The following RRP1 variants were observed in gnomAD, a reference collection of about 807,000 sequenced individuals.
The protein encoded by RRP1 is ribosomal RNA processing 1, also known as ribosomal RNA processing protein 1 homolog A.
In RRP1, 37 loss-of-function variants were observed where a neutral mutation model predicts 54.6. That is an observed-to-expected ratio of 0.68 (90% CI 0.52 to 0.89). RRP1 has a LOEUF of 0.89. Among genes scored for constraint, RRP1 ranks in the 40% least tolerant of loss-of-function variants. The pLI is 0.00. For missense variants in RRP1, 639 were observed against 612.5 expected (o/e 1.04, Z -0.46); for synonymous variants, 262 against 244.3 (o/e 1.07, Z -0.67).
chr21:43,793,436 G>A, intron 4 of RRP1, 32 bp downstream of exon 4: 2 of 1,584,608 alleles, frequency 1.3e-6, no homozygotes, highest in Non-Finnish European at 8.6e-7. Context: ...CGGCGGGCGG[G>A]GGCAGCGCGG....
Position 43,797,664 on chromosome 21 carries a change from C to A in RRP1, c.586C>A (p.Pro196Thr), listed in dbSNP as rs2085036338. 1 of 1,613,978 alleles carries A rather than the reference C, an allele frequency of 6.2e-7. No individual in the cohort carries two copies. Among genetic ancestry groups the A allele is most frequent in the African/African-American group, 1.3e-5 (1 of 74,906 alleles). ...TADQNLKFIDPFCRIAARTKD... is the reference protein window; with the variant it reads ...TADQNLKFIDTFCRIAARTKD... ...AGACCAGAACCTGAAGTTCATCGAC[C>A]CCTTCTGCAGAATTGCTGCCCGGAC... Residue 196 changes from proline (P) to threonine (T), a missense_variant, in exon 7 of 13, where the codon CCC becomes ACC. Pro to Thr is a conservative substitution (Grantham distance 38). Coordinates refer to ENST00000497547, the MANE Select transcript of RRP1 (RefSeq NM_003683.6).
intron 11 of RRP1, among the ~76,000 whole-genome samples, chr21:43,801,606 G>T (rs1405354952): frequency 1.3e-5 from 2 of 152,214 alleles, no homozygotes; most frequent in South Asian, 4.1e-4. Context: ...CCCAGTCGCT[G>T]GGACCACAGG....
intron 7 of RRP1, 55 bp from the exon 8 acceptor site, chr21:43,797,852 C>G: frequency 6.3e-7 from 1 of 1,583,854 alleles, no homozygotes; most frequent in Non-Finnish European, 8.6e-7. Context: ...CGGCGGCTTC[C>G]GCTTGGGAAT....
chr21:43,791,161 A>G (rs1013858571), intron 1 of RRP1, 189 bp from the exon 2 acceptor site: 6 of 660,800 alleles, frequency 9.1e-6, no homozygotes, highest in African/African-American at 8.9e-5. Flanking sequence ...GAGTAGCCGC[A>G]TAGCCACAGG....
intron 8 of RRP1, among the ~76,000 whole-genome samples, chr21:43,799,256 C>G (rs1356906479): frequency 6.6e-6 from 1 of 152,058 alleles, no homozygotes; most frequent in African/African-American, 2.4e-5. Flanking sequence ...AGCTTGTAGT[C>G]AGCCACTCAG....
At chr21:43,803,488 C>G in intron 12 of RRP1, 24 bp from the exon 13 acceptor site, 1 of 1,529,538 alleles carries the variant, frequency 6.5e-7, no homozygotes, top group Non-Finnish European at 8.8e-7. Flanking sequence ...TTCTCTGGCT[C>G]ATGGGGTCTT....
chr21:43,795,697 C>T (rs748035877), intron 5 of RRP1, among the ~76,000 whole-genome samples: 9 of 152,326 alleles, frequency 5.9e-5, no homozygotes, highest in East Asian at 1.9e-4. Flanking sequence ...TGCAGATGTG[C>T]ACCACCAGGC....
rs773617935 is a variant in RRP1, at chr21:43,797,962, G to A, written c.673G>A (p.Ala225Thr). The A allele has an allele frequency of 1.2e-6, 2 of 1,614,174 alleles. No homozygotes were observed. The highest frequency in any genetic ancestry group is 1.7e-6 in the Non-Finnish European group (2 of 1,180,010). ...RGIFETIVEQ[A>T]PLAIEDLLNE... ...CATCTTTGAGACGATTGTGGAGCAG[G>A]CCCCGCTTGCCATTGAAGACCTCCT... The change falls in exon 8 of 13, where the codon GCC becomes ACC. Residue 225 changes from alanine (A) to threonine (T), a missense_variant. Coordinates refer to ENST00000497547, the MANE Select transcript of RRP1 (RefSeq NM_003683.6).
intron 10 of RRP1, 59 bp downstream of exon 10, chr21:43,800,673 C>T: frequency 1.3e-6 from 2 of 1,574,286 alleles, no homozygotes; most frequent in Non-Finnish European, 1.7e-6. Flanking sequence ...CTTTCTTGCT[C>T]AGATCTGGGT....
chr21:43,802,246 G>GC (rs777700264), intron 11 of RRP1, 28 bp from the exon 12 acceptor site: 13 of 1,553,598 alleles, frequency 8.4e-6, no homozygotes, highest in African/African-American at 1.4e-5. Flanking sequence ...GCCCCCGAGA[G>GC]CCCCCTGACT....
Position 43,799,588 on chromosome 21 carries a change from A to T in RRP1, c.830A>T (p.Glu277Val). Residue 277 changes from glutamate to valine, a missense_variant, in exon 9 of 13, where the codon GAA (glutamate) becomes GTA (valine). Glu to Val is a moderately radical substitution (Grantham distance 121). Transcript: ENST00000497547. ...KPPAGSICRA[E>V]PEAGEEQAGD... The stretch of plus-strand genomic sequence containing the variant: ...GTTCCAGGCTCCATCTGCAGGGCTG[A>T]ACCTGAGGCTGGTGAGGAGCAGGCA... 2 of 1,612,202 alleles carry T rather than the reference A, an allele frequency of 1.2e-6. No homozygotes were observed. Among genetic ancestry groups the T allele is most frequent in the Non-Finnish European group, 1.7e-6 (2 of 1,179,860 alleles).
intron 1 of RRP1, 133 bp from the exon 2 acceptor site, chr21:43,791,217 G>C (rs1330361503): frequency 2.4e-5 from 22 of 900,166 alleles, no homozygotes; most frequent in Non-Finnish European, 3.7e-5. Flanking sequence ...GGGAGGGCCA[G>C]ATTCTGCCCC....
intron 3 of RRP1, 66 bp downstream of exon 3, chr21:43,792,795 C>A (rs765404871): frequency 6.5e-7 from 1 of 1,533,346 alleles, no homozygotes; most frequent in Non-Finnish European, 9.0e-7. Flanking sequence ...TCAGAGCCAC[C>A]AGACCCAGGA....
intron 4 of RRP1, 110 bp downstream of exon 4, chr21:43,793,514 C>T: frequency 1.2e-6 from 1 of 857,550 alleles, no homozygotes; most frequent in South Asian, 1.5e-5. Context: ...CAGTGCGACC[C>T]TGAAGCCAGG....
intron 12 of RRP1, among the ~76,000 whole-genome samples, chr21:43,802,636 G>T (rs1021083480): frequency 1.3e-5 from 2 of 152,024 alleles, no homozygotes; most frequent in Admixed American, 1.3e-4. Context: ...CCTCCCTCCC[G>T]GTCTGGAGAC....
intron 3 of RRP1, 120 bp from the exon 4 acceptor site, chr21:43,793,198 TG>T: frequency 2.4e-6 from 2 of 834,366 alleles, no homozygotes; most frequent in Non-Finnish European, 3.9e-6. Flanking sequence ...GGGTAGGGCC[TG>T]GGCATCAGCA....
intron 2 of RRP1, among the ~76,000 whole-genome samples, chr21:43,792,328 C>T (rs2084968796): frequency 6.6e-6 from 1 of 152,182 alleles, no homozygotes; most frequent in Non-Finnish European, 1.5e-5. Flanking sequence ...CTGTGAGTCC[C>T]AAGGCTCCCT....
intron 12 of RRP1, 62 bp from the exon 13 acceptor site, chr21:43,803,450 G>T: frequency 6.8e-7 from 1 of 1,480,620 alleles, no homozygotes. Context: ...GCCTGAGTTG[G>T]AGTAAGTGGA....
chr21:43,792,213 A>C (rs551751762), intron 2 of RRP1, among the ~76,000 whole-genome samples: 1 of 152,254 alleles, frequency 6.6e-6, no homozygotes, highest in East Asian at 1.9e-4. Flanking sequence ...AGGCTGTGAA[A>C]TGTCCCTTAG....
Sources: gnomAD v4.1 joint callset for allele counts (sites outside exome capture counted in the v4.1 genomes callset) on GRCh38, gnomAD v4.1.1 for gene constraint, MANE v1.5 for transcripts, NCBI Gene and HGNC (gene_info 2026-07-23, HGNC 2026-07-21) for gene names.